CSNK2A2: variants seen among roughly 807,000 people sequenced by gnomAD.
CSNK2A2 encodes casein kinase II subunit alpha'.
In CSNK2A2, 8 loss-of-function variants were observed where a neutral mutation model predicts 54.0. The ratio of observed to expected loss-of-function variants is 0.15; its 90% CI spans 0.09 to 0.27. The LOEUF (loss-of-function observed/expected upper bound fraction) is 0.27. Among genes scored for constraint, CSNK2A2 ranks in the 10% least tolerant of loss-of-function variants. The pLI, the probability that CSNK2A2 is intolerant of heterozygous loss-of-function variation, is 1.00. For synonymous variants in CSNK2A2, 141 were observed against 153.9 expected, an observed-to-expected ratio of 0.92 and a Z score of 0.62; for missense variants, 242 against 439.4, an observed-to-expected ratio of 0.55 and a Z score of 4.02.
At chr16:58,172,476 TA>T (rs1197305137) in intron 5 of CSNK2A2, among the ~76,000 whole-genome samples, 1 of 152,200 alleles carries the variant, frequency 6.6e-6, no homozygotes, top group African/African-American at 2.4e-5. Flanking sequence ...TCAAAGGAGT[TA>T]AATATTTAGT....
At chr16:58,171,768 A>G (rs1961741887) in intron 5 of CSNK2A2, among the ~76,000 whole-genome samples, 1 of 151,578 alleles carries the variant, frequency 6.6e-6, no homozygotes, top group African/African-American at 2.4e-5. Flanking sequence ...GCCTAGTGTG[A>G]TTAGGGAACT....
At chr16:58,190,603 G>C (rs546112462) in intron 2 of CSNK2A2, among the ~76,000 whole-genome samples, 73 of 152,224 alleles carry the variant, frequency 4.8e-4, no homozygotes, top group African/African-American at 1.7e-3. Context: ...CCAATTACAT[G>C]ATCTACTCCT....
At chr16:58,177,074 C>T (rs950765763) in intron 4 of CSNK2A2, among the ~76,000 whole-genome samples, 3 of 152,216 alleles carry the variant, frequency 2.0e-5, no homozygotes, top group African/African-American at 4.8e-5. Flanking sequence ...GTACCACACC[C>T]ATTTCCTACA....
At chr16:58,169,364 A>G (rs189088207) in intron 5 of CSNK2A2, among the ~76,000 whole-genome samples, 1 of 152,156 alleles carries the variant, frequency 6.6e-6, no homozygotes, top group Non-Finnish European at 1.5e-5. Flanking sequence ...ACACGGCTAT[A>G]CTAAAAATAC....
At chr16:58,190,690 G>A (rs1345162045) in intron 2 of CSNK2A2, among the ~76,000 whole-genome samples, 2 of 152,098 alleles carry the variant, frequency 1.3e-5, no homozygotes, top group Non-Finnish European at 2.9e-5. Flanking sequence ...ATGATAATCA[G>A]ATACTATCTC....
At chr16:58,181,863 T>G (rs898259161) in intron 4 of CSNK2A2, among the ~76,000 whole-genome samples, 4 of 151,264 alleles carry the variant, frequency 2.6e-5, no homozygotes, top group Non-Finnish European at 4.4e-5. Flanking sequence ...TTCAGAAGAG[T>G]GCAAATGAGA....
At chr16:58,189,095 T>C (rs1962264534) in intron 2 of CSNK2A2, among the ~76,000 whole-genome samples, 1 of 151,838 alleles carries the variant, frequency 6.6e-6, no homozygotes, top group African/African-American at 2.4e-5. Flanking sequence ...TAACTGGGAC[T>C]ACAGGTGTGT....
intron 10 of CSNK2A2, 103 bp downstream of exon 10, chr16:58,165,457 A>C (rs1961537694): frequency 7.9e-7 from 1 of 1,266,084 alleles, no homozygotes; most frequent in Admixed American, 2.7e-5. Flanking sequence ...GAATAATCCA[A>C]TCCAAATACC....
intron 4 of CSNK2A2, among the ~76,000 whole-genome samples, chr16:58,178,919 T>C (rs747671261): frequency 6.6e-6 from 1 of 152,212 alleles, no homozygotes; most frequent in Non-Finnish European, 1.5e-5. Context: ...TCTCTGAACA[T>C]AGTGCAATCA....
chr16:58,197,033 C>T lies in CSNK2A2; in HGVS notation c.105-189G>A, dbSNP rs996241515. 3 of 573,644 alleles carry T rather than the reference C, an allele frequency of 5.2e-6. No individual in the cohort carries two copies. The South Asian group carries it at 5.6e-5, about 11-fold the overall frequency. The allele number at this position is 573,644 out of a possible 1,614,324, so 35.5% of individuals were successfully genotyped here. The stretch of plus-strand genomic sequence containing the variant: ...TCCCTTCACTCTGCAGAGCTCCTAA[C>T]CTAATTGGTCTCTCCTAACTTGGGA... On this transcript the variant is annotated intron_variant, in intron 1 of 11. Coordinates refer to ENST00000262506, the MANE Select transcript of CSNK2A2 (RefSeq NM_001896.4). This position sits in a 1 kb window ranked among gnomAD's most constrained non-coding sequence, Gnocchi z 4.0.
chr16:58,158,569 G>A (rs923894840), intron 11 of CSNK2A2, among the ~76,000 whole-genome samples: 7 of 152,260 alleles, frequency 4.6e-5, no homozygotes, highest in African/African-American at 1.4e-4. Flanking sequence ...TCTCTAGCAC[G>A]GCCTTCTGTC....
At chr16:58,164,758 G>C (rs746788498) in intron 10 of CSNK2A2, among the ~76,000 whole-genome samples, 30 of 152,180 alleles carry the variant, frequency 2.0e-4, no homozygotes, top group African/African-American at 7.0e-4. Context: ...TTCCATTTGC[G>C]GTCTCCCTTA....
intron 4 of CSNK2A2, among the ~76,000 whole-genome samples, chr16:58,178,008 G>A (rs180963085): frequency 1.0e-3 from 153 of 152,198 alleles, no homozygotes; most frequent in African/African-American, 3.3e-3. Context: ...TAATGTTAAC[G>A]ACCTATAATA....
chr16:58,168,578 T>C, intron 6 of CSNK2A2, 32 bp downstream of exon 6: 4 of 1,593,810 alleles, frequency 2.5e-6, no homozygotes, highest in Non-Finnish European at 3.4e-6. Context: ...AGCCTTTTAA[T>C]CAAGCTTGTT....
chr16:58,187,031 TTTAACA>T (rs752353827), intron 2 of CSNK2A2, among the ~76,000 whole-genome samples, 175 bp from the exon 3 acceptor site: 18 of 152,090 alleles, frequency 1.2e-4, no homozygotes, highest in Non-Finnish European at 2.6e-4. Context: ...CATAAGAACC[TTTAACA>T]TTAAGTTAAA....
chr16:58,194,131 T>A (rs921925615), intron 2 of CSNK2A2, among the ~76,000 whole-genome samples: 1 of 152,180 alleles, frequency 6.6e-6, no homozygotes, highest in African/African-American at 2.4e-5. Flanking sequence ...CCACCCTCTA[T>A]CTTGGTCACT....
intron 11 of CSNK2A2, chr16:58,158,908 T>G (rs1390134583): frequency 6.6e-6 from 1 of 152,272 alleles, no homozygotes; most frequent in Non-Finnish European, 1.5e-5. Flanking sequence ...TCATTTCTCC[T>G]TCCAGGTCCA....
In CSNK2A2 at chr16:58,188,197, C is replaced by T. The variant is rs190896222; in HGVS notation, c.217-1341G>A. The stretch of plus-strand genomic sequence containing the variant: ...CTTGCATCACCTATAACAGGGGGCT[C>T]AACTGACAGGCTGGGCTCTCGCTGC... On this transcript the variant is annotated intron_variant, in intron 2 of 11. Coordinates refer to ENST00000262506, the MANE Select transcript of CSNK2A2 (RefSeq NM_001896.4). 1.1e-4 allele frequency among the ~76,000 whole-genome samples: 16 copies of T among 152,274 alleles called. No homozygotes were observed. In the East Asian group the frequency reaches 3.1e-3, roughly 29 times the overall value.
intron 5 of CSNK2A2, among the ~76,000 whole-genome samples, chr16:58,171,673 T>C (rs528583459): frequency 1.3e-5 from 2 of 152,188 alleles, no homozygotes; most frequent in South Asian, 4.2e-4. Context: ...CAATAGGACC[T>C]TCTGCAATGA....
Sources: allele counts gnomAD v4.1 joint callset (sites outside exome capture counted in the v4.1 genomes callset), GRCh38; gene constraint gnomAD v4.1.1; non-coding constraint Gnocchi (gnomAD v3.1); transcripts MANE v1.5; gene names NCBI Gene and HGNC (gene_info 2026-07-23, HGNC 2026-07-21).